The following PDE4D variants were observed in gnomAD, a reference collection of about 807,000 sequenced individuals.
PDE4D encodes phosphodiesterase 4D.
A neutral mutation model predicts 87.4 loss-of-function variants in PDE4D; 24 were observed. That is an observed-to-expected ratio of 0.27 (90% CI 0.20 to 0.39). The LOEUF (loss-of-function observed/expected upper bound fraction) is 0.39. Among genes scored for constraint, PDE4D ranks in the 10% least tolerant of loss-of-function variants. PDE4D has a pLI of 1.00. For missense variants in PDE4D, 714 were observed against 1,041.0 expected (o/e 0.69, Z 4.32); for synonymous variants, 384 against 383.2 (o/e 1.00, Z -0.02).
intron 1 of PDE4D, among the ~76,000 whole-genome samples, chr5:59,651,451 G>A (rs1743490590): frequency 6.6e-6 from 1 of 151,596 alleles, no homozygotes. Context: ...AACACCGAGT[G>A]AAAAAATAAT....
intron 1 of PDE4D, among the ~76,000 whole-genome samples, chr5:59,304,983 T>C (rs935905637): frequency 6.6e-6 from 1 of 152,062 alleles, no homozygotes; most frequent in Non-Finnish European, 1.5e-5. Context: ...ACCAATTCTT[T>C]GAATGTCTGG....
chr5:59,910,054 A>G (rs73761045), intron 3 of PDE4D, among the ~76,000 whole-genome samples: 2,591 of 152,256 alleles, frequency 0.017, 70 homozygotes, highest in African/African-American at 0.059. Flanking sequence ...ACACAAGGCA[A>G]TGTCAAATTT....
chr5:59,896,500 C>CTT (rs1476716131), upstream of PDE4D, among the ~76,000 whole-genome samples: 2 of 152,168 alleles, frequency 1.3e-5, no homozygotes, highest in African/African-American at 4.8e-5. Flanking sequence ...AGGCTTTATA[C>CTT]TTTTACCAAA....
intron 1 of PDE4D, among the ~76,000 whole-genome samples, chr5:59,493,213 A>C (rs1806542116): frequency 6.6e-6 from 1 of 152,198 alleles, no homozygotes. Context: ...AAAAAAGACT[A>C]TTCTAAAAAG....
chr5:59,731,347 A>G (rs777204484), intron 1 of PDE4D, among the ~76,000 whole-genome samples: 4 of 152,010 alleles, frequency 2.6e-5, no homozygotes, highest in Non-Finnish European at 5.9e-5. Flanking sequence ...AGTATCGCCA[A>G]TGGTCGTGAG....
intron 1 of PDE4D, among the ~76,000 whole-genome samples, chr5:59,794,908 C>T (rs192358285): frequency 3.4e-4 from 52 of 152,222 alleles, no homozygotes; most frequent in Non-Finnish European, 1.3e-4. Flanking sequence ...CAGCCTGGGA[C>T]ACAGCTCATC....
chr5:59,593,292 A>T (rs951197265), intron 1 of PDE4D, among the ~76,000 whole-genome samples: 3 of 151,474 alleles, frequency 2.0e-5, no homozygotes, highest in African/African-American at 7.3e-5. Flanking sequence ...TCAGCTGGGC[A>T]TGGTGGTTCG....
intron 2 of PDE4D, among the ~76,000 whole-genome samples, chr5:60,039,371 T>G (rs1285605930): frequency 7.0e-6 from 1 of 143,540 alleles, no homozygotes. Flanking sequence ...CACTCATAGG[T>G]GGGAATTGAA....
intron 4 of PDE4D, 23 bp downstream of exon 4, chr5:59,185,165 AG>A (rs762875432): frequency 8.8e-6 from 14 of 1,582,390 alleles, no homozygotes; most frequent in Admixed American, 1.7e-5. Context: ...AGCAAAAAAG[AG>A]GGGGGAAAAA....
intron 3 of PDE4D, among the ~76,000 whole-genome samples, chr5:59,898,817 A>G (rs2152760838): frequency 6.6e-6 from 1 of 152,308 alleles, no homozygotes; most frequent in South Asian, 2.1e-4. Flanking sequence ...TACATTATCA[A>G]AAGGACCCCC....
At chr5:59,031,670 T>C (rs1181306158) in intron 6 of PDE4D, among the ~76,000 whole-genome samples, 2 of 119,820 alleles carry the variant, frequency 1.7e-5, no homozygotes, top group African/African-American at 3.3e-5. Flanking sequence ...ATCACACCAC[T>C]GCACTCCAGC....
intron 1 of PDE4D, among the ~76,000 whole-genome samples, chr5:59,717,903 T>C (rs1461613035): frequency 6.6e-6 from 1 of 152,216 alleles, no homozygotes; most frequent in Admixed American, 6.5e-5. Context: ...AGGCAAATTG[T>C]CAGTTACCTT....
intron 1 of PDE4D, among the ~76,000 whole-genome samples, chr5:59,514,294 A>G (rs929410508): frequency 2.6e-5 from 4 of 152,050 alleles, no homozygotes; most frequent in Non-Finnish European, 5.9e-5. Context: ...TTTAGTAGAG[A>G]CAGGGTTTCA....
chr5:60,501,619 A>G (rs1466452098), intron 1 of PDE4D, among the ~76,000 whole-genome samples: 1 of 151,590 alleles, frequency 6.6e-6, no homozygotes, highest in Non-Finnish European at 1.5e-5. Context: ...TCCCACCAAC[A>G]GTGTAAAAGT....
intron 1 of PDE4D, among the ~76,000 whole-genome samples, chr5:59,750,945 C>CAAAAAAAAAAAAAAAAAAAAA (rs34787047): frequency 1.5e-5 from 1 of 68,762 alleles, no homozygotes; most frequent in Non-Finnish European, 2.8e-5. Context: ...GACCCTGTCT[C>CAAAAAAAAAAAAAAAAAAAAA]AAAAAAAAAA....
At chr5:60,221,714 T>A (rs1445275425) in intron 1 of PDE4D, among the ~76,000 whole-genome samples, 1 of 152,144 alleles carries the variant, frequency 6.6e-6, no homozygotes, top group South Asian at 2.1e-4. Flanking sequence ...ATGGTATATA[T>A]TATCTTTTTC....
intron 1 of PDE4D, among the ~76,000 whole-genome samples, chr5:60,243,968 A>G (rs1747420424): frequency 1.3e-5 from 2 of 151,990 alleles, no homozygotes; most frequent in Non-Finnish European, 2.9e-5. Context: ...GTAAGACAAG[A>G]GAAAAAAACA....
intron 3 of PDE4D, among the ~76,000 whole-genome samples, chr5:59,962,624 T>A (rs920633256): frequency 4.6e-5 from 7 of 152,094 alleles, no homozygotes; most frequent in Non-Finnish European, 1.0e-4. Context: ...AAATCAACAA[T>A]CCTGAAGAAA....
intron 1 of PDE4D, among the ~76,000 whole-genome samples, chr5:60,228,900 A>G (rs1237078473): frequency 2.0e-5 from 3 of 152,002 alleles, no homozygotes; most frequent in Non-Finnish European, 4.4e-5. Flanking sequence ...CCACAAAACT[A>G]CCCAGCTGGG....
Sources: allele counts gnomAD v4.1 joint callset (sites outside exome capture counted in the v4.1 genomes callset), GRCh38; gene constraint gnomAD v4.1.1; transcripts MANE v1.5; gene names NCBI Gene and HGNC (gene_info 2026-07-23, HGNC 2026-07-21).